Variants in QPRT observed in about 807,000 individuals in gnomAD.
QPRT encodes the protein nicotinate-nucleotide pyrophosphorylase [carboxylating].
QPRT carries 17 observed loss-of-function variants against 19.8 expected under a neutral mutation model. The observed-to-expected ratio is 0.86, with a 90% CI of 0.59 to 1.29. QPRT has a LOEUF of 1.29. Ranked by LOEUF, QPRT falls within the 50% of genes most tolerant of loss-of-function variation. QPRT has a pLI of 0.00. For missense variants in QPRT, 336 were observed against 405.1 expected, an observed-to-expected ratio of 0.83 and a Z score of 1.46; for synonymous variants, 178 against 191.0, an observed-to-expected ratio of 0.93 and a Z score of 0.56.
chr16:29,691,268 G>A (rs1967319240), intron 1 of QPRT, among the ~76,000 whole-genome samples: 1 of 148,556 alleles, frequency 6.7e-6, no homozygotes, highest in Non-Finnish European at 1.5e-5. Flanking sequence ...GGGAGGCTGA[G>A]GCAGAAGAAT....
chr16:29,682,560 T>C (rs1225463622), intron 1 of QPRT, among the ~76,000 whole-genome samples: 1 of 151,854 alleles, frequency 6.6e-6, no homozygotes, highest in African/African-American at 2.4e-5. Flanking sequence ...TTTTTTTTTT[T>C]AGTAGAGATG....
intron 1 of QPRT, among the ~76,000 whole-genome samples, chr16:29,690,674 TTGTG>T (rs1967299995): frequency 6.6e-6 from 1 of 152,082 alleles, no homozygotes; most frequent in Non-Finnish European, 1.5e-5. Flanking sequence ...GTCCCTATTG[TTGTG>T]TGTATCAGTA....
In QPRT at chr16:29,694,679, T is replaced by TGCC. The variant is rs752699910; in HGVS notation, c.33_35dup (p.Pro12dup). On this transcript the variant is annotated inframe_insertion, in exon 2 of 4. Transcript: ENST00000395384. ...TTCCCCCCAGGCCTGGCGCTGCTGC[T>TGCC]GCCGCCCGTCACCCTGGCAGCCCTG... 15 of 1,545,594 alleles carry TGCC rather than the reference T, an allele frequency of 9.7e-6. No homozygotes were observed. In the Admixed American group the frequency reaches 2.1e-4, roughly 22 times the overall value.
At position 29,683,916 on chromosome 16, in the gene QPRT, C is replaced by G. The variant is rs192717961; in HGVS notation, c.13+4706C>G. 3.4e-3 allele frequency among the ~76,000 whole-genome samples: 519 copies of G among 152,272 alleles called. 7 individuals are homozygous for G. Among genetic ancestry groups the G allele is most frequent in the African/African-American group, 0.011 (438 of 41,564 alleles). ...ACTTCCCTACCTCCCGTGCGCTCCT[C>G]GAGCATGACAATGTGGCTTCTGCCC... On this transcript the variant is annotated intron_variant, in intron 1 of 3. Transcript: ENST00000395384.
Position 29,694,944 on chromosome 16 carries a change from G to C in QPRT, c.294G>C (p.Leu98=), listed in dbSNP as rs142650560. ...TCCGGGGCCCTGCCCACTGCCTGCT[G>C]CTGGGGGAACGGGTGGCCCTCAACA... is the stretch of plus-strand genomic sequence containing the variant. ...AEVRGPAHCL[L]LGERVALNTL... The change falls in exon 2 of 4, where the codon CTG becomes CTC. Residue 98 remains leucine (L), a synonymous_variant. Transcript: ENST00000395384. 1.2e-6 allele frequency: 2 copies of C among 1,612,212 alleles called. No homozygotes were observed. Among genetic ancestry groups the C allele is most frequent in the Non-Finnish European group, 8.5e-7 (1 of 1,179,752 alleles).
chr16:29,680,469 G>T (rs1217758728), intron 1 of QPRT, among the ~76,000 whole-genome samples: 3 of 152,098 alleles, frequency 2.0e-5, no homozygotes, highest in Non-Finnish European at 4.4e-5. Context: ...TGTTCCATAG[G>T]TGTCCTACAC....
rs1967466520 is a variant in QPRT at position 29,694,768 on chromosome 16, G to A, written c.118G>A (p.Gly40Ser). Residue 40 changes from glycine (G) to serine (S), a missense_variant, in exon 2 of 4, where the codon GGC becomes AGC. By Grantham distance (56) the Gly-to-Ser change is moderately conservative. Coordinates refer to ENST00000395384, the MANE Select transcript of QPRT (RefSeq NM_014298.6). ...LNYAALVSGAGPSQAALWAKS... is the reference protein window; with the variant it reads ...LNYAALVSGASPSQAALWAKS... ...CTACGCAGCCTTGGTCAGCGGGGCA[G>A]GCCCCTCGCAGGCGGCGCTGTGGGC... is the stretch of plus-strand genomic sequence containing the variant. The A allele has an allele frequency of 1.2e-6, 2 of 1,613,438 alleles. No individual in the cohort carries two copies. The highest frequency in any genetic ancestry group is 1.3e-5 in the African/African-American group (1 of 75,070).
chr16:29,679,329 C>A (rs139751271), intron 1 of QPRT, 119 bp downstream of exon 1: 19 of 705,298 alleles, frequency 2.7e-5, no homozygotes, highest in African/African-American at 2.1e-4. Context: ...CTCCTCTGGT[C>A]CCGCCATCGA....
intron 2 of QPRT, 79 bp from the exon 3 acceptor site, chr16:29,696,917 C>G: frequency 6.8e-7 from 1 of 1,480,930 alleles, no homozygotes; most frequent in Non-Finnish European, 8.9e-7. Flanking sequence ...TATCGTCACC[C>G]TCGCCCTCCC....
intron 1 of QPRT, among the ~76,000 whole-genome samples, chr16:29,680,939 T>A (rs1233195641): frequency 1.3e-5 from 2 of 151,130 alleles, no homozygotes; most frequent in Non-Finnish European, 2.9e-5. Flanking sequence ...AGACTCCATC[T>A]CAAAAAAAAA....
intron 2 of QPRT, 65 bp downstream of exon 2, chr16:29,695,264 C>T (rs34011276): frequency 2.8e-6 from 4 of 1,448,496 alleles, no homozygotes; most frequent in East Asian, 2.5e-5. Context: ...CCCCTCCCCT[C>T]TCCAGAGCCT....
At chr16:29,684,389 A>G (rs2142298462) in intron 1 of QPRT, among the ~76,000 whole-genome samples, 1 of 151,636 alleles carries the variant, frequency 6.6e-6, no homozygotes, top group South Asian at 2.1e-4. Context: ...TCTGCCTCCC[A>G]GGTTCAAGCG....
chr16:29,680,179 A>G (rs946521586), intron 1 of QPRT, among the ~76,000 whole-genome samples: 1 of 151,722 alleles, frequency 6.6e-6, no homozygotes, highest in Non-Finnish European at 1.5e-5. Flanking sequence ...GGATGGTCTC[A>G]TTTCCCAACC....
At position 29,697,531 on chromosome 16, in the gene QPRT, A is replaced by G. The variant is rs1967587556; in HGVS notation, c.*120A>G. The stretch of plus-strand genomic sequence containing the variant: ...CACATTTGGCACTAGCTTGAGCCCA[A>G]CTCTGGCTCTGCCACCTGCTGCTCC... On this transcript the variant is annotated 3_prime_UTR_variant, in exon 4 of 4. Transcript: ENST00000395384. This position sits in a 1 kb window ranked among gnomAD's most constrained non-coding sequence, Gnocchi z 4.4. 2.9e-6 allele frequency: 3 copies of G among 1,047,212 alleles called. No individual in the cohort carries two copies. Among genetic ancestry groups the G allele is most frequent in the African/African-American group, 1.6e-5 (1 of 61,968 alleles). The allele number at this position is 1,047,212 out of a possible 1,614,324, so 64.9% of individuals were successfully genotyped here.
rs768368747 is a variant in QPRT, at chr16:29,697,195, G to T, written c.682-4G>T. On this transcript the variant is annotated splice_polypyrimidine_tract_variant and splice_region_variant and intron_variant, in intron 3 of 3. Coordinates refer to ENST00000395384, the MANE Select transcript of QPRT (RefSeq NM_014298.6). The surrounding 1 kb of genome is among the most constrained non-coding windows in gnomAD (Gnocchi z 4.4). The stretch of plus-strand genomic sequence containing the variant: ...CTTACCTCCCCTTGGCTTGTGTCCC[G>T]CAGGAGCTGCACCCCACGGCCACCG... 1 of 1,604,788 alleles carries T rather than the reference G, an allele frequency of 6.2e-7. No homozygotes were observed. The highest frequency in any genetic ancestry group is 8.5e-7 in the Non-Finnish European group (1 of 1,173,778).
intron 1 of QPRT, among the ~76,000 whole-genome samples, chr16:29,680,000 C>G (rs1008461479): frequency 6.6e-6 from 1 of 151,414 alleles, no homozygotes; most frequent in Non-Finnish European, 1.5e-5. Flanking sequence ...CGCTTTCCCC[C>G]AGGCTGGAGT....
At chr16:29,696,191 T>G (rs1453458883) in intron 2 of QPRT, 2 of 152,326 alleles carry the variant, frequency 1.3e-5, no homozygotes, top group Admixed American at 6.5e-5. Context: ...AGTGGTCATT[T>G]TAACCTACAA....
chr16:29,691,598 G>A (rs1967337047), intron 1 of QPRT, among the ~76,000 whole-genome samples: 1 of 152,098 alleles, frequency 6.6e-6, no homozygotes, highest in African/African-American at 2.4e-5. Context: ...GAGGCGAGAG[G>A]ATTGCTTAAG....
At chr16:29,683,296 C>G (rs1967067478) in intron 1 of QPRT, among the ~76,000 whole-genome samples, 1 of 151,408 alleles carries the variant, frequency 6.6e-6, no homozygotes, top group African/African-American at 2.4e-5. Context: ...TCCCAAAGTG[C>G]TGGGATTACA....
Sources: gnomAD v4.1 joint callset for allele counts (sites outside exome capture counted in the v4.1 genomes callset) on GRCh38, gnomAD v4.1.1 for gene constraint, Gnocchi (gnomAD v3.1) non-coding constraint, MANE v1.5 for transcripts, NCBI Gene and HGNC (gene_info 2026-07-23, HGNC 2026-07-21) for gene names.